FAM135B: variants seen among roughly 807,000 people sequenced by gnomAD.
The protein encoded by FAM135B is protein FAM135B.
In FAM135B, 43 loss-of-function variants were observed where a neutral mutation model predicts 127.7. The observed-to-expected ratio is 0.34, with a 90% confidence interval of 0.26 to 0.43. The LOEUF (loss-of-function observed/expected upper bound fraction) is 0.43, where lower values mean the gene tolerates loss of function less well. Ranked by LOEUF, FAM135B falls within the 20% of genes least tolerant of loss-of-function variation. The pLI is 1.00. For missense variants in FAM135B, 1,558 were observed against 1,725.6 expected, an observed-to-expected ratio of 0.90 and a Z score of 1.72; for synonymous variants, 670 against 665.1, an observed-to-expected ratio of 1.01 and a Z score of -0.11.
intron 1 of FAM135B, 60 bp from the exon 2 acceptor site, chr8:138,368,062 G>C: frequency 8.0e-7 from 1 of 1,249,272 alleles, no homozygotes; most frequent in East Asian, 2.3e-5. Context: ...GAAAGAACCT[G>C]GCTTTTACAA....
chr8:138,166,965 T>C (rs1819987640), intron 12 of FAM135B, among the ~76,000 whole-genome samples: 1 of 152,050 alleles, frequency 6.6e-6, no homozygotes, highest in Admixed American at 6.6e-5. Flanking sequence ...CATCCCATTG[T>C]AGGACTCAGC....
chr8:138,253,435 T>C (rs62532058), intron 5 of FAM135B, among the ~76,000 whole-genome samples: 47,746 of 152,026 alleles, frequency 0.31, 8,395 homozygotes, highest in East Asian at 0.63. Flanking sequence ...ACTGCTGATT[T>C]GTGCACTCTA....
At chr8:138,283,182 T>A (rs1824396557) in intron 3 of FAM135B, among the ~76,000 whole-genome samples, 2 of 152,094 alleles carry the variant, frequency 1.3e-5, no homozygotes, top group Admixed American at 6.6e-5. Context: ...GTTTTATTCA[T>A]AATTGCCAAA....
At chr8:138,397,198 C>A (rs1490077540) in intron 1 of FAM135B, among the ~76,000 whole-genome samples, 1 of 152,172 alleles carries the variant, frequency 6.6e-6, no homozygotes, top group East Asian at 1.9e-4. Flanking sequence ...AAATGTTTCA[C>A]AGAAATCTGG....
chr8:138,138,207 G>A lies in FAM135B; in HGVS notation c.3901+779C>T, dbSNP rs78438797. ...CCTGCCTCCCTCCTCCTCCTCCACA[G>A]GAGATAGCTCTAAGAGCTCAACTCA... is the stretch of plus-strand genomic sequence containing the variant. On this transcript the variant is annotated intron_variant, in intron 18 of 19. Transcript: ENST00000395297. Among the ~76,000 whole-genome samples, 586 of 152,250 alleles carry A rather than the reference G, an allele frequency of 3.8e-3. 4 individuals carry two copies. The highest frequency in any genetic ancestry group is 0.014 in the African/African-American group (564 of 41,506).
chr8:138,231,484 T>C (rs892284499), intron 7 of FAM135B, among the ~76,000 whole-genome samples: 1 of 152,120 alleles, frequency 6.6e-6, no homozygotes, highest in Non-Finnish European at 1.5e-5. Flanking sequence ...CTTCACTAAC[T>C]GCAAAAAAGA....
At chr8:138,343,489 G>A (rs568416499) in intron 2 of FAM135B, among the ~76,000 whole-genome samples, 254 of 152,298 alleles carry the variant, frequency 1.7e-3, no homozygotes, top group Non-Finnish European at 1.6e-3. Context: ...TGACAGCCAT[G>A]GATGGCTGAA....
chr8:138,392,944 G>A (rs944844703), intron 1 of FAM135B, among the ~76,000 whole-genome samples: 8 of 152,192 alleles, frequency 5.3e-5, no homozygotes, highest in African/African-American at 1.2e-4. Flanking sequence ...AGGCATAACC[G>A]AGACTGGGCA....
intron 1 of FAM135B, among the ~76,000 whole-genome samples, chr8:138,405,925 G>A (rs201252765): frequency 2.0e-5 from 3 of 152,074 alleles, no homozygotes; most frequent in South Asian, 2.1e-4. Context: ...GTGAGATGGT[G>A]TCTCATTGTG....
chr8:138,362,279 A>ATTTTTTTTTTT (rs1830467374), intron 2 of FAM135B, among the ~76,000 whole-genome samples: 4 of 122,488 alleles, frequency 3.3e-5, no homozygotes, highest in Non-Finnish European at 5.0e-5. Flanking sequence ...CCCCACCCCC[A>ATTTTTTTTTTT]TATCTTTTTT....
At position 138,169,732 on chromosome 8, in the gene FAM135B, C is replaced by T. The variant is rs539817056; in HGVS notation, c.1104-1683G>A. On this transcript the variant is annotated intron_variant, in intron 11 of 19. Transcript: ENST00000395297. ...GTGAACTTAGGCTGGTGTGCACAGG[C>T]TGGGAAGTACACCTAGAGGATTGCA... Among the ~76,000 whole-genome samples, 7 of 152,164 alleles carry T rather than the reference C, an allele frequency of 4.6e-5. No homozygotes were observed. The East Asian group carries it at 9.7e-4, about 21-fold the overall frequency.
chr8:138,275,768 T>A (rs1056116780), intron 3 of FAM135B, among the ~76,000 whole-genome samples: 5 of 152,032 alleles, frequency 3.3e-5, no homozygotes, highest in African/African-American at 1.2e-4. Context: ...TAGAATGAAA[T>A]CTAAAGTCTT....
intron 1 of FAM135B, among the ~76,000 whole-genome samples, chr8:138,424,701 T>G (rs2131472025): frequency 6.6e-6 from 1 of 152,326 alleles, no homozygotes; most frequent in East Asian, 1.9e-4. Flanking sequence ...CAGATGTGCC[T>G]TACCCCAAAA....
chr8:138,175,318 T>C (rs535750847), intron 11 of FAM135B, among the ~76,000 whole-genome samples: 106 of 152,214 alleles, frequency 7.0e-4, no homozygotes, highest in Non-Finnish European at 4.4e-4. Flanking sequence ...ACACTTGCCT[T>C]CTTGCTGATC....
At chr8:138,301,489 C>T (rs139984160) in intron 3 of FAM135B, among the ~76,000 whole-genome samples, 2,701 of 152,146 alleles carry the variant, frequency 0.018, 36 homozygotes, top group Middle Eastern at 0.051. Context: ...GCTCAATTTT[C>T]TTTTTTTTCC....
At chr8:138,456,568 C>T (rs778180110) in intron 1 of FAM135B, among the ~76,000 whole-genome samples, 30 of 152,106 alleles carry the variant, frequency 2.0e-4, no homozygotes, top group African/African-American at 5.3e-4. Flanking sequence ...TCATGAGGCT[C>T]GTGGGTGGTG....
At chr8:138,145,579 C>T (rs555177191) in intron 15 of FAM135B, among the ~76,000 whole-genome samples, 15 of 152,184 alleles carry the variant, frequency 9.9e-5, no homozygotes, top group Non-Finnish European at 4.4e-5. Context: ...TCTCCGTCAA[C>T]ATCTATACCT....
intron 1 of FAM135B, among the ~76,000 whole-genome samples, chr8:138,399,231 G>T (rs188238359): frequency 1.1e-4 from 17 of 152,072 alleles, no homozygotes; most frequent in Non-Finnish European, 2.1e-4. Flanking sequence ...GAAGTGTCTG[G>T]CTTTGAACCA....
chr8:138,374,617 T>C (rs746402251), intron 1 of FAM135B, among the ~76,000 whole-genome samples: 84 of 152,072 alleles, frequency 5.5e-4, no homozygotes, highest in Admixed American at 9.2e-4. Flanking sequence ...AGTGTGAATA[T>C]GGAAGAGGAA....
Sources: allele counts gnomAD v4.1 joint callset (sites outside exome capture counted in the v4.1 genomes callset), GRCh38; gene constraint gnomAD v4.1.1; transcripts MANE v1.5; gene names NCBI Gene and HGNC (gene_info 2026-07-23, HGNC 2026-07-21).